SPAG17: variants seen among roughly 807,000 people sequenced by gnomAD.
SPAG17 encodes sperm associated antigen 17.
Under a neutral mutation model 273.6 loss-of-function variants are expected in SPAG17, and 169 were observed. The observed-to-expected ratio is 0.62, with a 90% CI of 0.55 to 0.70. SPAG17 has a LOEUF of 0.70. Among genes scored for constraint, SPAG17 ranks in the 30% least tolerant of loss-of-function variants. SPAG17 has a pLI of 0.00. For synonymous variants in SPAG17, 825 were observed against 873.2 expected (o/e 0.94, Z 0.97); for missense variants, 2,557 against 2,627.8 (o/e 0.97, Z 0.59).
At chr1:118,101,623 G>C in intron 5 of SPAG17, 117 bp downstream of exon 5, 2 of 961,226 alleles carry the variant, frequency 2.1e-6, no homozygotes, top group Non-Finnish European at 3.1e-6. Flanking sequence ...ATGATTGTGG[G>C]GGAATTGGCG....
rs752385868 is a variant in SPAG17, at chr1:117,953,972, T to C, written c.*78A>G. 3.2e-6 allele frequency: 5 copies of C among 1,560,774 alleles called. No homozygotes were observed. The East Asian group carries it at 1.1e-4, about 35-fold the overall frequency. On this transcript the variant is annotated 3_prime_UTR_variant, in exon 49 of 49. Coordinates refer to ENST00000336338, the MANE Select transcript of SPAG17 (RefSeq NM_206996.4). ...CAGTGTCCTGGGATGATGGAGTATG[T>C]TGTGATGACTTCTTTCCTTTCTCAT...
intron 8 of SPAG17, 52 bp from the exon 9 acceptor site, chr1:118,092,054 G>A: frequency 2.0e-6 from 3 of 1,478,898 alleles, no homozygotes; most frequent in Non-Finnish European, 2.8e-6. Flanking sequence ...GCTGAGAGAT[G>A]CCCTCATCAA....
chr1:118,088,528 G>A (rs754912568), intron 10 of SPAG17, among the ~76,000 whole-genome samples: 2 of 152,016 alleles, frequency 1.3e-5, no homozygotes, highest in African/African-American at 2.4e-5. Context: ...TTATCTAATT[G>A]GTTAGAAAAC....
At position 117,971,918 on chromosome 1, in the gene SPAG17, C is replaced by T; in HGVS notation, c.6271G>A (p.Gly2091Arg). ...TTTACAACTGTGGCATAGGTATGTC[C>T]TTCCTTAAGCACTCCAAACTTGACT... ...SSVKFGVLKE[G>R]HTYATVVKLK... Residue 2091 changes from glycine to arginine, a missense_variant, in exon 45 of 49, where the codon GGA becomes AGA. Gly to Arg is a moderately radical substitution (Grantham distance 125). Coordinates refer to ENST00000336338, the MANE Select transcript of SPAG17 (RefSeq NM_206996.4). The T allele has an allele frequency of 1.2e-6, 2 of 1,614,032 alleles. No individual in the cohort carries two copies. Among genetic ancestry groups the T allele is most frequent in the African/African-American group, 1.3e-5 (1 of 75,022 alleles).
At chr1:118,160,360 T>C (rs1410895148) in intron 1 of SPAG17, among the ~76,000 whole-genome samples, 1 of 152,244 alleles carries the variant, frequency 6.6e-6, no homozygotes, top group African/African-American at 2.4e-5. Context: ...CTATCTTCCT[T>C]CCTGTATTGT....
intron 1 of SPAG17, 31 bp downstream of exon 1, chr1:118,185,040 G>A (rs755483452): frequency 8.1e-6 from 13 of 1,595,516 alleles, no homozygotes; most frequent in Non-Finnish European, 1.0e-5. Context: ...ATTGCCGGGG[G>A]CAGGGAGGGC....
intron 25 of SPAG17, 143 bp downstream of exon 25, chr1:118,031,549 A>T (rs1422786861): frequency 4.7e-6 from 4 of 857,714 alleles, no homozygotes. Context: ...GTCTATTCAA[A>T]GTTGAGACTA....
chr1:118,072,405 T>C (rs1038453384), intron 17 of SPAG17, among the ~76,000 whole-genome samples: 7 of 152,136 alleles, frequency 4.6e-5, no homozygotes, highest in Non-Finnish European at 8.8e-5. Context: ...AGGAAGGGAA[T>C]GGGTGTGGCC....
At chr1:118,150,849 C>T (rs756178364) in intron 2 of SPAG17, among the ~76,000 whole-genome samples, 9 of 152,126 alleles carry the variant, frequency 5.9e-5, no homozygotes, top group Non-Finnish European at 8.8e-5. Context: ...TATTGCTGTC[C>T]TCTGACCTCT....
chr1:118,139,127 A>T (rs1427066744), intron 3 of SPAG17, among the ~76,000 whole-genome samples: 2 of 152,172 alleles, frequency 1.3e-5, no homozygotes, highest in Non-Finnish European at 1.5e-5. Flanking sequence ...AAGAAAAAAA[A>T]TTTAAAAAAA....
intron 20 of SPAG17, among the ~76,000 whole-genome samples, chr1:118,051,078 A>C (rs922915142): frequency 2.7e-4 from 41 of 152,198 alleles, no homozygotes; most frequent in Non-Finnish European, 1.5e-5. Context: ...AAAATGAGCA[A>C]AGGACCCGAG....
chr1:118,086,875 T>C lies in SPAG17; in HGVS notation c.1493A>G (p.Lys498Arg), dbSNP rs1214333070. Residue 498 changes from lysine to arginine, a missense_variant, in exon 11 of 49, where the codon AAA becomes AGA. Lys to Arg is a conservative substitution (Grantham distance 26). Transcript: ENST00000336338. The part of the protein sequence containing the change: ...LPSLCLSERE[K>R]KNLHDIFLSE... ...TGCTATCTCAGGCTATCTGACCTTT[T>C]TCTCCCTCTCTGAGAGACAGAGTGA... The C allele has an allele frequency of 1.9e-6, 3 of 1,614,072 alleles. No homozygotes were observed. Among genetic ancestry groups the C allele is most frequent in the Non-Finnish European group, 2.5e-6 (3 of 1,180,016 alleles).
chr1:118,115,095 T>C (rs952751898), intron 4 of SPAG17, among the ~76,000 whole-genome samples: 2 of 152,196 alleles, frequency 1.3e-5, no homozygotes, highest in African/African-American at 4.8e-5. Context: ...TGAATATTGT[T>C]ACTTTCATAT....
intron 26 of SPAG17, among the ~76,000 whole-genome samples, chr1:118,027,671 G>C (rs1395594604): frequency 6.6e-6 from 1 of 152,134 alleles, no homozygotes; most frequent in Admixed American, 6.5e-5. Context: ...AGTAACAAAT[G>C]CAGATGCCTC....
chr1:118,070,362 A>C (rs2102082053), intron 17 of SPAG17, among the ~76,000 whole-genome samples: 1 of 152,330 alleles, frequency 6.6e-6, no homozygotes, highest in East Asian at 1.9e-4. Flanking sequence ...GTGGCACTGA[A>C]AATAGGAAGA....
At chr1:118,002,652 T>C (rs532473987) in intron 32 of SPAG17, among the ~76,000 whole-genome samples, 105 of 151,288 alleles carry the variant, frequency 6.9e-4, no homozygotes, top group Non-Finnish European at 1.2e-3. Flanking sequence ...CAACCCCTGC[T>C]TTTTTTTTGT....
chr1:118,171,265 G>A (rs2102393287), intron 1 of SPAG17, among the ~76,000 whole-genome samples: 1 of 152,248 alleles, frequency 6.6e-6, no homozygotes, highest in African/African-American at 2.4e-5. Flanking sequence ...TTACTGTTAA[G>A]GAGGAAGAAT....
chr1:117,983,934 AT>A, intron 41 of SPAG17, 21 bp from the exon 42 acceptor site: 1 of 1,327,690 alleles, frequency 7.5e-7, no homozygotes, highest in Non-Finnish European at 1.1e-6. Flanking sequence ...AAAAAAACTT[AT>A]TTTAGACTTA....
chr1:118,095,960 G>A (rs1306771490), intron 7 of SPAG17, among the ~76,000 whole-genome samples: 1 of 152,130 alleles, frequency 6.6e-6, no homozygotes. Flanking sequence ...AAGGGAGTTT[G>A]GAGTCTCTAG....
Sources: allele counts gnomAD v4.1 joint callset (sites outside exome capture counted in the v4.1 genomes callset), GRCh38; gene constraint gnomAD v4.1.1; transcripts MANE v1.5; gene names NCBI Gene and HGNC (gene_info 2026-07-23, HGNC 2026-07-21).